The following TTC28 variants were observed in gnomAD, a reference collection of about 807,000 sequenced individuals.
The protein encoded by TTC28 is tetratricopeptide repeat protein 28.
Under a neutral mutation model 198.0 loss-of-function variants are expected in TTC28, and 61 were observed. The ratio of observed to expected loss-of-function variants is 0.31; its 90% CI spans 0.25 to 0.38. TTC28 has a LOEUF of 0.38. Ranked by LOEUF, TTC28 falls within the 10% of genes least tolerant of loss-of-function variation. The pLI is 1.00. For synonymous variants in TTC28, 1,171 were observed against 1,297.8 expected, an observed-to-expected ratio of 0.90 and a Z score of 2.10; for missense variants, 2,678 against 3,164.0, an observed-to-expected ratio of 0.85 and a Z score of 3.69.
At chr22:28,325,501 A>C (rs1017787709) in intron 2 of TTC28, among the ~76,000 whole-genome samples, 7 of 152,168 alleles carry the variant, frequency 4.6e-5, no homozygotes, top group African/African-American at 1.2e-4. Context: ...GGCTTCCTCA[A>C]AATTAAAAGC....
intron 2 of TTC28, among the ~76,000 whole-genome samples, chr22:28,593,785 T>G (rs2050484443): frequency 6.6e-6 from 1 of 152,338 alleles, no homozygotes; most frequent in African/African-American, 2.4e-5. Flanking sequence ...AATTTTTGTT[T>G]TATTCCTTTA....
Position 28,108,251 on chromosome 22 carries a change from G to A in TTC28, c.1594C>T (p.Gln532Ter). The change falls in exon 7 of 23, where the codon CAG becomes TAG. Residue 532 changes from glutamine (Q) to a stop codon, truncating the protein, a stop_gained. Coordinates refer to ENST00000397906, the MANE Select transcript of TTC28 (RefSeq NM_001145418.2). LOFTEE classifies it high-confidence loss of function. ...TCCTGCCGATGGTATTTGACCGCCT[G>A]GTCGTACATGCCCAGGGCATTGTAG... ...NAYNALGMYD[Q>*]AVKYHRQELQ... 1 of 1,550,836 alleles carries A rather than the reference G, an allele frequency of 6.4e-7. No homozygotes were observed. Among genetic ancestry groups the A allele is most frequent in the Non-Finnish European group, 8.7e-7 (1 of 1,146,268 alleles).
intron 2 of TTC28, among the ~76,000 whole-genome samples, chr22:28,387,953 T>C (rs1312773342): frequency 6.6e-6 from 1 of 152,238 alleles, no homozygotes; most frequent in East Asian, 1.9e-4. Flanking sequence ...GCCTAGGTTT[T>C]CTTCTAGGGT....
chr22:28,581,570 A>G (rs994432599), intron 2 of TTC28, among the ~76,000 whole-genome samples: 8 of 152,242 alleles, frequency 5.3e-5, no homozygotes, highest in African/African-American at 1.4e-4. Flanking sequence ...ACACATACAT[A>G]CAATTTGAAA....
chr22:28,571,159 T>C (rs1046551599), intron 2 of TTC28, among the ~76,000 whole-genome samples: 4 of 152,196 alleles, frequency 2.6e-5, no homozygotes, highest in African/African-American at 9.6e-5. Flanking sequence ...GCCAAGTATA[T>C]GAGGCTATGT....
At chr22:28,465,830 C>T (rs920893496) in intron 2 of TTC28, among the ~76,000 whole-genome samples, 5 of 152,104 alleles carry the variant, frequency 3.3e-5, no homozygotes, top group African/African-American at 4.8e-5. Flanking sequence ...GCCCCATCTT[C>T]GACATATAAC....
At chr22:28,371,038 C>A (rs146705337) in intron 2 of TTC28, among the ~76,000 whole-genome samples, 34 of 152,270 alleles carry the variant, frequency 2.2e-4, no homozygotes, top group Non-Finnish European at 4.0e-4. Flanking sequence ...CTCCTACATA[C>A]TAAGTCATGA....
At chr22:28,563,078 G>T (rs1412053494) in intron 2 of TTC28, among the ~76,000 whole-genome samples, 5 of 152,066 alleles carry the variant, frequency 3.3e-5, no homozygotes, top group Admixed American at 3.3e-4. Context: ...ACCTGAGATG[G>T]AGCCACTACA....
rs1207483285 is a variant in TTC28 at position 27,998,908 on chromosome 22, C to A, written c.4751G>T (p.Arg1584Leu). The change falls in exon 16 of 23, where the codon CGG becomes CTG. Residue 1584 changes from arginine (R) to leucine (L), a missense_variant. Arg to Leu is a moderately radical substitution (Grantham distance 102). Coordinates refer to ENST00000397906, the MANE Select transcript of TTC28 (RefSeq NM_001145418.2). Reference sequence around the variant, plus strand: ...CCCATCACTGGCATCGTCCTGCACCCGCAAGGACTCAGGGATCGTGTAGGG... The same window carrying A: ...CCCATCACTGGCATCGTCCTGCACCAGCAAGGACTCAGGGATCGTGTAGGG... ...GHPYTIPESLRVQDDASDGES... is the reference protein window; with the variant it reads ...GHPYTIPESLLVQDDASDGES... 6.4e-7 allele frequency: 1 copy of A among 1,550,606 alleles called. No homozygotes were observed. The highest frequency in any genetic ancestry group is 8.7e-7 in the Non-Finnish European group (1 of 1,146,986).
chr22:28,169,292 A>G (rs1242373965), intron 5 of TTC28, among the ~76,000 whole-genome samples: 4 of 152,172 alleles, frequency 2.6e-5, no homozygotes, highest in Non-Finnish European at 5.9e-5. Context: ...AGAACTAGAA[A>G]TACCATTTGA....
rs538338838 is a variant in TTC28 at position 28,504,396 on chromosome 22, C to T, written c.381+125156G>A. Among the ~76,000 whole-genome samples the T allele has an allele frequency of 5.9e-5, 9 of 152,082 alleles. No homozygotes were observed. The East Asian group carries it at 9.7e-4, about 16-fold the overall frequency. ...GTCTGTTTGTGTAGCCATATATATACACATTCATCTCATATACACATATAT... is the reference window on the plus strand; with the variant it reads ...GTCTGTTTGTGTAGCCATATATATATACATTCATCTCATATACACATATAT... On this transcript the variant is annotated intron_variant, in intron 2 of 22. Transcript: ENST00000397906.
In TTC28 at chr22:28,637,004, GTT is replaced by G. The variant is rs35849354; in HGVS notation, c.103-7176_103-7175del. 1.2e-3 allele frequency among the ~76,000 whole-genome samples: 117 copies of G among 97,330 alleles called. 1 individual carries two copies. The highest frequency in any genetic ancestry group is 0.01 in the South Asian group (25 of 2,384). 63.9% of individuals were successfully genotyped at this position (97,330 alleles called of 152,430 possible). A position where few individuals can be genotyped will look rare whatever the true frequency, so the allele number is the denominator to read the frequency against. ...GGAGTTTTAGAGTTTCAGGTCTTCA[GTT>G]TTTTTTTTTTTTTTTTTTTTGAGAC... On this transcript the variant is annotated intron_variant, in intron 1 of 22. Transcript: ENST00000397906.
At chr22:28,104,310 C>T (rs1942237292) in intron 8 of TTC28, among the ~76,000 whole-genome samples, 2 of 152,232 alleles carry the variant, frequency 1.3e-5, no homozygotes, top group Admixed American at 1.3e-4. Context: ...GATTGAATCA[C>T]TGTACTTCTC....
rs2045145874 is a variant in TTC28, at chr22:28,306,355, T to G, written c.529+141A>C. 3.9e-6 allele frequency: 4 copies of G among 1,014,738 alleles called. No homozygotes were observed. In the East Asian group the frequency reaches 1.1e-4, roughly 28 times the overall value. 62.9% of individuals were successfully genotyped at this position (1,014,738 alleles called of 1,614,324 possible). A position where few individuals can be genotyped will look rare whatever the true frequency, so the allele number is the denominator to read the frequency against. On this transcript the variant is annotated intron_variant, in intron 3 of 22. Coordinates refer to ENST00000397906, the MANE Select transcript of TTC28 (RefSeq NM_001145418.2). ...TAACATCACTTGCTGGCAGTGATTC[T>G]TGATCTTCCTTGGTCTAAAATATCA...
At chr22:28,354,930 G>A (rs899336584) in intron 2 of TTC28, among the ~76,000 whole-genome samples, 1 of 150,240 alleles carries the variant, frequency 6.7e-6, no homozygotes, top group Admixed American at 6.6e-5. Flanking sequence ...CCACTAACTC[G>A]TCATCTAGCA....
At chr22:28,060,337 A>G (rs989619217) in intron 12 of TTC28, among the ~76,000 whole-genome samples, 1 of 152,168 alleles carries the variant, frequency 6.6e-6, no homozygotes, top group Non-Finnish European at 1.5e-5. Flanking sequence ...TATGAATGAG[A>G]ACATGCGGTG....
At chr22:28,332,311 T>C (rs982373329) in intron 2 of TTC28, among the ~76,000 whole-genome samples, 2 of 151,992 alleles carry the variant, frequency 1.3e-5, no homozygotes, top group African/African-American at 4.8e-5. Flanking sequence ...TAATATCTTA[T>C]GTAAAGAATC....
intron 6 of TTC28, among the ~76,000 whole-genome samples, chr22:28,155,708 C>A (rs534900907): frequency 6.6e-6 from 1 of 152,136 alleles, no homozygotes; most frequent in East Asian, 1.9e-4. Context: ...AAATGGAACA[C>A]CTCAGTTTTA....
chr22:28,353,759 A>G (rs1428482969), intron 2 of TTC28, among the ~76,000 whole-genome samples: 1 of 152,182 alleles, frequency 6.6e-6, no homozygotes, highest in Non-Finnish European at 1.5e-5. Flanking sequence ...ATGGGACAAA[A>G]TATTTGCAAA....
Sources: gnomAD v4.1 joint callset for allele counts (sites outside exome capture counted in the v4.1 genomes callset) on GRCh38, gnomAD v4.1.1 for gene constraint, MANE v1.5 for transcripts, NCBI Gene and HGNC (gene_info 2026-07-23, HGNC 2026-07-21) for gene names.